Variants in PREX2 observed in about 807,000 individuals in gnomAD.
PREX2 encodes the protein phosphatidylinositol 3,4,5-trisphosphate-dependent Rac exchanger 2 protein.
In PREX2, 107 loss-of-function variants were observed where a neutral mutation model predicts 203.2. The observed-to-expected ratio is 0.53, with a 90% CI of 0.45 to 0.62. The LOEUF (loss-of-function observed/expected upper bound fraction) is 0.62, where lower values mean the gene tolerates loss of function less well. PREX2 is among the 20% of genes least tolerant of loss of function. The pLI, the probability that PREX2 is intolerant of heterozygous loss-of-function variation, is 0.00. For synonymous variants in PREX2, 672 were observed against 663.6 expected, an observed-to-expected ratio of 1.01 and a Z score of -0.19; for missense variants, 1,777 against 1,955.9, an observed-to-expected ratio of 0.91 and a Z score of 1.72.
In PREX2 at chr8:68,081,861, A is replaced by ATT. The variant is rs546660073; in HGVS notation, c.1878+1038_1878+1039dup. 4.2e-4 allele frequency among the ~76,000 whole-genome samples: 59 copies of ATT among 139,594 alleles called. 1 individual carries two copies. The highest frequency in any genetic ancestry group is 1.5e-3 in the African/African-American group (56 of 37,676). The allele number at this position is 139,594 out of a possible 152,430, so 91.6% of individuals were successfully genotyped here. ...AGGCCCATGCCACCAGGCCCAGCTG[A>ATT]TTTTTTTTTTTTTTTTAATAGAGAC... On this transcript the variant is annotated intron_variant, in intron 17 of 39. Coordinates refer to ENST00000288368, the MANE Select transcript of PREX2 (RefSeq NM_024870.4).
intron 34 of PREX2, among the ~76,000 whole-genome samples, chr8:68,149,620 A>G (rs1811393929): frequency 6.6e-6 from 1 of 152,122 alleles, no homozygotes; most frequent in South Asian, 2.1e-4. Flanking sequence ...ATTCAGGGCC[A>G]CTTCTCTACA....
chr8:68,097,294 T>G, intron 22 of PREX2, 93 bp downstream of exon 22: 90 of 941,784 alleles, frequency 9.6e-5, no homozygotes, highest in Non-Finnish European at 1.2e-4. Flanking sequence ...AAAATAGCTA[T>G]ACATGTTGCA....
chr8:68,129,880 A>G (rs1428053086), intron 31 of PREX2, among the ~76,000 whole-genome samples: 1 of 42,606 alleles, frequency 2.3e-5, no homozygotes, highest in African/African-American at 1.1e-4. Context: ...CTACAACAAT[A>G]GTAAGCAAAA....
At chr8:68,174,730 G>T in intron 35 of PREX2, among the ~76,000 whole-genome samples, 1 of 151,880 alleles carries the variant, frequency 6.6e-6, no homozygotes, top group East Asian at 1.9e-4. Context: ...GTTGTTTGTT[G>T]CTTGTTGACA....
At chr8:68,003,548 A>G (rs1807005819) in intron 1 of PREX2, among the ~76,000 whole-genome samples, 3 of 152,208 alleles carry the variant, frequency 2.0e-5, no homozygotes, top group South Asian at 4.1e-4. Context: ...TAATGTGGTC[A>G]TCTTAAGTTA....
At chr8:68,075,327 C>A (rs1037000217) in intron 14 of PREX2, among the ~76,000 whole-genome samples, 1 of 152,282 alleles carries the variant, frequency 6.6e-6, no homozygotes, top group Middle Eastern at 3.4e-3. Context: ...ACAAGCTTTT[C>A]TTGTAAGCTT....
intron 25 of PREX2, among the ~76,000 whole-genome samples, chr8:68,112,388 G>A (rs1231961201): frequency 2.0e-5 from 3 of 152,160 alleles, no homozygotes; most frequent in Admixed American, 6.5e-5. Context: ...TAGACATAGG[G>A]GATTTGAGAA....
chr8:68,012,180 C>T (rs1236465786), intron 1 of PREX2, among the ~76,000 whole-genome samples: 3 of 152,112 alleles, frequency 2.0e-5, no homozygotes, highest in Admixed American at 6.6e-5. Flanking sequence ...GCAGTTCTTT[C>T]ATATTTATTT....
At position 68,121,059 on chromosome 8, in the gene PREX2, A is replaced by G; in HGVS notation, c.3724+10A>G. ...AGGAAATTTGTTGAAGGTCAGCATG[A>G]AAAGCAAAGAACATTGCATGATATT... On this transcript the variant is annotated intron_variant, in intron 30 of 39. Transcript: ENST00000288368. 1 of 1,612,630 alleles carries G rather than the reference A, an allele frequency of 6.2e-7. No individual in the cohort carries two copies. Among genetic ancestry groups the G allele is most frequent in the Middle Eastern group, 1.7e-4 (1 of 6,060 alleles).
intron 8 of PREX2, among the ~76,000 whole-genome samples, chr8:68,046,206 C>T (rs1236199626): frequency 6.6e-6 from 1 of 151,990 alleles, no homozygotes; most frequent in African/African-American, 2.4e-5. Context: ...CCCTTATGTC[C>T]CACTTTCTCC....
chr8:68,201,428 G>A lies in PREX2; in HGVS notation c.4604+8903G>A, dbSNP rs181930862. Among the ~76,000 whole-genome samples the A allele has an allele frequency of 5.9e-5, 9 of 152,258 alleles. No homozygotes were observed. The East Asian group carries it at 9.7e-4, about 16-fold the overall frequency. Reference sequence around the variant, plus strand: ...ACTAGGTGAGGTCCCACAATAGGCCGTCTGCAAGCTGAGGAGCAAGGAAGC... The same window carrying A: ...ACTAGGTGAGGTCCCACAATAGGCCATCTGCAAGCTGAGGAGCAAGGAAGC... On this transcript the variant is annotated intron_variant, in intron 37 of 39. Transcript: ENST00000288368.
At chr8:68,115,652 A>G in intron 25 of PREX2, 101 bp from the exon 26 acceptor site, 1 of 701,196 alleles carries the variant, frequency 1.4e-6, no homozygotes, top group Non-Finnish European at 2.2e-6. Context: ...ACATTGAAGC[A>G]CTCTAGAAAT....
chr8:68,188,607 G>A (rs557864350), intron 35 of PREX2, among the ~76,000 whole-genome samples: 5 of 152,322 alleles, frequency 3.3e-5, no homozygotes, highest in South Asian at 2.1e-4. Flanking sequence ...GGCTGGGGAG[G>A]CCTCACAATC....
intron 21 of PREX2, among the ~76,000 whole-genome samples, chr8:68,094,341 T>C (rs975900428): frequency 1.1e-4 from 16 of 152,158 alleles, no homozygotes; most frequent in Admixed American, 6.5e-4. Flanking sequence ...AGGAGCAAAC[T>C]AGTAGTGTGA....
rs1813241875 is a variant in PREX2, at chr8:68,235,058, G to A, written c.*3680G>A. 1 of 152,046 alleles carries A rather than the reference G, an allele frequency of 6.6e-6. No homozygotes were observed. The highest frequency in any genetic ancestry group is 1.5e-5 in the Non-Finnish European group (1 of 67,988). The allele number at this position is 152,046 out of a possible 1,614,324, so 9.4% of individuals were successfully genotyped here. ...GACAAAATTAGCATTTATTGATTTG[G>A]AAGTGTTCAATTGAGAGTAAATGAC... On this transcript the variant is annotated 3_prime_UTR_variant, in exon 40 of 40. Coordinates refer to ENST00000288368, the MANE Select transcript of PREX2 (RefSeq NM_024870.4).
chr8:68,149,784 G>A (rs1811398356), intron 34 of PREX2, among the ~76,000 whole-genome samples: 1 of 152,140 alleles, frequency 6.6e-6, no homozygotes, highest in Admixed American at 6.5e-5. Flanking sequence ...CCAAATACCA[G>A]GATATTTTAG....
At chr8:68,202,458 A>G (rs540006405) in intron 37 of PREX2, among the ~76,000 whole-genome samples, 1 of 152,196 alleles carries the variant, frequency 6.6e-6, no homozygotes, top group Non-Finnish European at 1.5e-5. Context: ...GAATAACATG[A>G]TTAGATATTT....
intron 37 of PREX2, among the ~76,000 whole-genome samples, chr8:68,193,270 C>T (rs1020015878): frequency 6.6e-6 from 1 of 152,102 alleles, no homozygotes; most frequent in Admixed American, 6.6e-5. Context: ...TTGTTTTAAC[C>T]TAAGTAGGGA....
At chr8:68,125,254 T>C (rs910877472) in intron 30 of PREX2, among the ~76,000 whole-genome samples, 1 of 152,152 alleles carries the variant, frequency 6.6e-6, no homozygotes. Flanking sequence ...ACTGTCTTTA[T>C]ATAGTGAATG....
Sources: allele counts gnomAD v4.1 joint callset (sites outside exome capture counted in the v4.1 genomes callset), GRCh38; gene constraint gnomAD v4.1.1; transcripts MANE v1.5; gene names NCBI Gene and HGNC (gene_info 2026-07-23, HGNC 2026-07-21).